The following PIAS1 variants were observed in gnomAD, a reference collection of about 807,000 sequenced individuals.
PIAS1 encodes protein inhibitor of activated STAT 1.
A neutral mutation model predicts 71.3 loss-of-function variants in PIAS1; 6 were observed. That is an observed-to-expected ratio of 0.08 (90% CI 0.05 to 0.17). PIAS1 has a LOEUF of 0.17. Among genes scored for constraint, PIAS1 ranks in the 10% least tolerant of loss-of-function variants. The pLI, the probability that PIAS1 is intolerant of heterozygous loss-of-function variation, is 1.00. For synonymous variants in PIAS1, 303 were observed against 292.9 expected, an observed-to-expected ratio of 1.03 and a Z score of -0.35; for missense variants, 555 against 793.6, an observed-to-expected ratio of 0.70 and a Z score of 3.61.
intron 1 of PIAS1, among the ~76,000 whole-genome samples, chr15:68,059,164 C>A (rs1352173872): frequency 6.6e-6 from 1 of 151,832 alleles, no homozygotes; most frequent in Admixed American, 6.6e-5. Context: ...GCCACTACGC[C>A]CCGCTAATTT....
At chr15:68,159,943 A>G (rs937557208) in intron 7 of PIAS1, among the ~76,000 whole-genome samples, 4 of 152,152 alleles carry the variant, frequency 2.6e-5, no homozygotes, top group South Asian at 2.1e-4. Context: ...CCCACTAACA[A>G]TGTGTGAGAT....
rs1444108786 is a variant in PIAS1, at chr15:68,174,869, T to C, written c.1170-768T>C. Among the ~76,000 whole-genome samples the C allele has an allele frequency of 1.3e-5, 2 of 152,216 alleles. No homozygotes were observed. Among genetic ancestry groups the C allele is most frequent in the Non-Finnish European group, 2.9e-5 (2 of 68,038 alleles). ...CAAACAACATGTAACTTAAATGTTT[T>C]ATGTTTAATTTTTCAGAAATGTCGG... is the stretch of plus-strand genomic sequence containing the variant. On this transcript the variant is annotated intron_variant, in intron 9 of 13. Coordinates refer to ENST00000249636, the MANE Select transcript of PIAS1 (RefSeq NM_016166.3). This position sits in a 1 kb window ranked among gnomAD's most constrained non-coding sequence, Gnocchi z 4.0.
At chr15:68,067,087 C>G (rs1361623315) in intron 1 of PIAS1, among the ~76,000 whole-genome samples, 1 of 151,532 alleles carries the variant, frequency 6.6e-6, no homozygotes. Context: ...AGATTTGTGC[C>G]TCACCCTTGA....
In PIAS1 at chr15:68,181,344, C is replaced by T. The variant is rs373303858; in HGVS notation, c.1614C>T (p.Tyr538=). Residue 538 remains tyrosine, a synonymous_variant, in exon 12 of 14, where the codon TAC becomes TAT. Coordinates refer to ENST00000249636, the MANE Select transcript of PIAS1 (RefSeq NM_016166.3). ...CTTTCCACATGACACCCATGCCTTACGACTTACAAGGTGAGTCACTGGTTC... is the reference window on the plus strand; with the variant it reads ...CTTTCCACATGACACCCATGCCTTATGACTTACAAGGTGAGTCACTGGTTC... The part of the protein sequence containing the change: ...RHPFHMTPMP[Y]DLQGLDFFPF... 3.3e-5 allele frequency: 54 copies of T among 1,613,462 alleles called. No homozygotes were observed. Among genetic ancestry groups the T allele is most frequent in the African/African-American group, 2.7e-4 (20 of 75,032 alleles).
At chr15:68,060,411 G>A (rs768806510) in intron 1 of PIAS1, among the ~76,000 whole-genome samples, 2 of 151,930 alleles carry the variant, frequency 1.3e-5, no homozygotes, top group Non-Finnish European at 2.9e-5. Flanking sequence ...TCAGGAGTTC[G>A]AGACCAGCCT....
intron 2 of PIAS1, among the ~76,000 whole-genome samples, chr15:68,090,751 A>G (rs982222774): frequency 1.3e-4 from 20 of 152,146 alleles, no homozygotes; most frequent in African/African-American, 4.6e-4. Context: ...CTATCCTGTC[A>G]TCTCTGAGGT....
At chr15:68,142,125 TTG>T (rs2092774926) in intron 3 of PIAS1, 95 bp downstream of exon 3, 1 of 945,724 alleles carries the variant, frequency 1.1e-6, no homozygotes. Flanking sequence ...GAGTTAGTAT[TTG>T]TGTGATGCAA....
chr15:68,167,747 C>T lies in PIAS1; in HGVS notation c.1008+2943C>T, dbSNP rs141475692. Among the ~76,000 whole-genome samples, 14 of 152,204 alleles carry T rather than the reference C, an allele frequency of 9.2e-5. No homozygotes were observed. In the East Asian group the frequency reaches 2.5e-3, roughly 27 times the overall value. On this transcript the variant is annotated intron_variant, in intron 8 of 13. Coordinates refer to ENST00000249636, the MANE Select transcript of PIAS1 (RefSeq NM_016166.3). The surrounding 1 kb of genome is among the most constrained non-coding windows in gnomAD (Gnocchi z 4.4). ...TTGAGACAGAGTTTTGCTCTGTCAC[C>T]CAGGCTGGAGTACAGTGGCCAGATC...
At chr15:68,128,870 A>G (rs2092670375) in intron 2 of PIAS1, among the ~76,000 whole-genome samples, 1 of 152,240 alleles carries the variant, frequency 6.6e-6, no homozygotes, top group Non-Finnish European at 1.5e-5. Flanking sequence ...AGAATGTACA[A>G]TAAATAAATG....
chr15:68,176,738 A>G (rs1033204947), intron 11 of PIAS1, 84 bp downstream of exon 11: 1 of 956,946 alleles, frequency 1.0e-6, no homozygotes, highest in East Asian at 2.6e-5. Context: ...AAATAAAATG[A>G]TTCTTGATTG....
chr15:68,106,259 G>A (rs1158203840), intron 2 of PIAS1, among the ~76,000 whole-genome samples: 1 of 144,892 alleles, frequency 6.9e-6, no homozygotes, highest in Non-Finnish European at 1.5e-5. Flanking sequence ...GTATATTGGA[G>A]ATACTTGGCT....
intron 7 of PIAS1, among the ~76,000 whole-genome samples, chr15:68,156,727 AAGAG>A (rs56927626): frequency 1.1e-3 from 152 of 143,876 alleles, no homozygotes; most frequent in African/African-American, 1.4e-3. Context: ...AAAAAAAAAA[AAGAG>A]AGAGAGAGAG....
chr15:68,066,124 T>C (rs2092022423), intron 1 of PIAS1, among the ~76,000 whole-genome samples: 1 of 151,782 alleles, frequency 6.6e-6, no homozygotes, highest in African/African-American at 2.4e-5. Flanking sequence ...TGTTTTTTCT[T>C]TTTTCTTTTT....
chr15:68,130,560 TCAG>T (rs934348919), intron 2 of PIAS1, among the ~76,000 whole-genome samples: 36 of 151,996 alleles, frequency 2.4e-4, no homozygotes, highest in African/African-American at 8.7e-4. Flanking sequence ...GGTAAATTCT[TCAG>T]AACTTTTTTT....
chr15:68,081,451 T>C (rs2092227461), intron 1 of PIAS1, among the ~76,000 whole-genome samples: 1 of 152,112 alleles, frequency 6.6e-6, no homozygotes, highest in South Asian at 2.1e-4. Flanking sequence ...TAACTATGTA[T>C]GCACAGCCCA....
intron 2 of PIAS1, among the ~76,000 whole-genome samples, chr15:68,114,457 A>G (rs2092548701): frequency 6.6e-6 from 1 of 152,104 alleles, no homozygotes; most frequent in Non-Finnish European, 1.5e-5. Context: ...CATTCCAGCT[A>G]TATTTTAAAA....
intron 7 of PIAS1, among the ~76,000 whole-genome samples, chr15:68,163,452 T>C (rs1189602194): frequency 6.6e-6 from 1 of 152,194 alleles, no homozygotes; most frequent in Non-Finnish European, 1.5e-5. Context: ...TAGAATCATA[T>C]CTGGAGCTTT....
intron 2 of PIAS1, among the ~76,000 whole-genome samples, chr15:68,107,905 C>G (rs2092486437): frequency 6.7e-6 from 1 of 150,006 alleles, no homozygotes; most frequent in Non-Finnish European, 1.5e-5. Flanking sequence ...ATTTTTCTTT[C>G]TAGAATTAGA....
chr15:68,183,212 C>T (rs1567081464), intron 12 of PIAS1, among the ~76,000 whole-genome samples: 2 of 152,208 alleles, frequency 1.3e-5, no homozygotes, highest in Non-Finnish European at 2.9e-5. Flanking sequence ...CTTAACCTAA[C>T]TCTTTCAACT....
Sources: gnomAD v4.1 joint callset for allele counts (sites outside exome capture counted in the v4.1 genomes callset) on GRCh38, gnomAD v4.1.1 for gene constraint, Gnocchi (gnomAD v3.1) non-coding constraint, MANE v1.5 for transcripts, NCBI Gene and HGNC (gene_info 2026-07-23, HGNC 2026-07-21) for gene names.